Variants in ACOX3 observed in about 807,000 individuals in gnomAD.
ACOX3 encodes the protein peroxisomal acyl-coenzyme A oxidase 3.
A neutral mutation model predicts 81.5 loss-of-function variants in ACOX3; 73 were observed. That is an observed-to-expected ratio of 0.90 (90% confidence interval 0.74 to 1.09). The LOEUF (loss-of-function observed/expected upper bound fraction) is 1.09. ACOX3 is among the 50% of genes least tolerant of loss of function. The pLI is 0.00. For synonymous variants in ACOX3, 387 were observed against 375.1 expected (o/e 1.03, Z -0.37); for missense variants, 947 against 928.0 (o/e 1.02, Z -0.27).
chr4:8,437,542 AAAAC>A lies in ACOX3; in HGVS notation c.-15+3102_-15+3105del, dbSNP rs972784638. 6.6e-6 allele frequency among the ~76,000 whole-genome samples: 1 copy of A among 152,248 alleles called. No individual in the cohort carries two copies. The highest frequency in any genetic ancestry group is 2.4e-5 in the African/African-American group (1 of 41,472). On this transcript the variant is annotated intron_variant, in intron 1 of 17. Coordinates refer to ENST00000356406, the MANE Select transcript of ACOX3 (RefSeq NM_003501.3). The surrounding 1 kb of genome is among the most constrained non-coding windows in gnomAD (Gnocchi z 5.2). ...CAGGAGAACTCAGGAAGGAAAAAGA[AAAAC>A]AAAGACTTAAGGAAAAAGGCCAATC...
chr4:8,373,999 T>G, intron 15 of ACOX3: 1 of 224,052 alleles, frequency 4.5e-6, no homozygotes, highest in Non-Finnish European at 8.8e-6. Context: ...GAAGCAGGGG[T>G]GCATGGCAGG....
intron 1 of ACOX3, among the ~76,000 whole-genome samples, chr4:8,439,469 G>A (rs1247956670): frequency 2.0e-5 from 3 of 152,204 alleles, no homozygotes; most frequent in Admixed American, 6.5e-5. Context: ...ATGGCCTTGA[G>A]AAGCAAAAGA....
At chr4:8,424,550 T>TA (rs1723261711) in intron 1 of ACOX3, among the ~76,000 whole-genome samples, 2 of 152,224 alleles carry the variant, frequency 1.3e-5, no homozygotes, top group African/African-American at 4.8e-5. Flanking sequence ...GTTAAAATGA[T>TA]ACAGGGAAGA....
At position 8,416,279 on chromosome 4, in the gene ACOX3, C is replaced by T. The variant is rs1327051819; in HGVS notation, c.144+99G>A. 3.3e-5 allele frequency: 52 copies of T among 1,595,352 alleles called. No individual in the cohort carries two copies. Among genetic ancestry groups the T allele is most frequent in the Middle Eastern group, 2.2e-4 (1 of 4,558 alleles). ...CGCGCTGCCTGGGATGAGCCTCGCC[C>T]GGCAGAGGAGGAGCTGTGAGAGCCA... On this transcript the variant is annotated intron_variant, in intron 2 of 17. Coordinates refer to ENST00000356406, the MANE Select transcript of ACOX3 (RefSeq NM_003501.3). The surrounding 1 kb of genome is among the most constrained non-coding windows in gnomAD (Gnocchi z 4.2).
intron 14 of ACOX3, among the ~76,000 whole-genome samples, chr4:8,375,380 C>T (rs1277879224): frequency 2.6e-5 from 4 of 152,238 alleles, no homozygotes; most frequent in East Asian, 1.9e-4. Flanking sequence ...CTGGCTCCAC[C>T]GACGCCCTCC....
downstream of ACOX3, among the ~76,000 whole-genome samples, chr4:8,363,568 G>A (rs561661943): frequency 7.8e-4 from 118 of 152,148 alleles, no homozygotes; most frequent in Non-Finnish European, 1.3e-3. Flanking sequence ...CTTATAAAAG[G>A]GAGGGGAGCA....
At chr4:8,408,764 C>T (rs989364124) in intron 6 of ACOX3, among the ~76,000 whole-genome samples, 21 of 152,094 alleles carry the variant, frequency 1.4e-4, no homozygotes, top group African/African-American at 4.8e-4. Flanking sequence ...TGGTTGCAGA[C>T]CCCTAAATAG....
At position 8,367,048 on chromosome 4, in the gene ACOX3, C is replaced by T. The variant is rs201761894; in HGVS notation, c.2016G>A (p.Gln672=). 1 of 1,614,108 alleles carries T rather than the reference C, an allele frequency of 6.2e-7. No individual in the cohort carries two copies. The highest frequency in any genetic ancestry group is 1.3e-5 in the African/African-American group (1 of 75,034). The change falls in exon 18 of 18, where the codon CAG becomes CAA. Residue 672 remains glutamine, a synonymous_variant. Coordinates refer to ENST00000356406, the MANE Select transcript of ACOX3 (RefSeq NM_003501.3). ...ATGCCCGCTCCAACACCTTGCTTTC[C>T]TGCAGGACAGCGCCCCAGAGGTTTT... ...LYKNLWGAVL[Q]ESKVLERASW...
intron 6 of ACOX3, 27 bp downstream of exon 6, chr4:8,410,185 C>T (rs1022955758): frequency 1.9e-6 from 3 of 1,606,394 alleles, no homozygotes; most frequent in Non-Finnish European, 2.6e-6. Context: ...AACACTGCCC[C>T]CACTGAGGGC....
rs188643195 is a variant in ACOX3, at chr4:8,407,141, C to T, written c.688-1098G>A. Among the ~76,000 whole-genome samples the T allele has an allele frequency of 6.6e-6, 1 of 152,348 alleles. No individual in the cohort carries two copies. Among genetic ancestry groups the T allele is most frequent in the African/African-American group, 2.4e-5 (1 of 41,582 alleles). On this transcript the variant is annotated intron_variant, in intron 6 of 17. Coordinates refer to ENST00000356406, the MANE Select transcript of ACOX3 (RefSeq NM_003501.3). The surrounding 1 kb of genome is among the most constrained non-coding windows in gnomAD (Gnocchi z 4.6). ...CTGGGCATAACAGAAGGCTCGTACT[C>T]TTGTCTTCTGGTCACTCCTCACTAT... is the stretch of plus-strand genomic sequence containing the variant.
intron 1 of ACOX3, chr4:8,436,508 A>T (rs1724243026): frequency 6.6e-6 from 1 of 152,228 alleles, no homozygotes; most frequent in African/African-American, 2.4e-5. Flanking sequence ...AAAGGGGAAA[A>T]AAGACCCAGA....
intron 13 of ACOX3, among the ~76,000 whole-genome samples, chr4:8,388,092 C>T (rs181514035): frequency 6.6e-6 from 1 of 152,362 alleles, no homozygotes; most frequent in East Asian, 1.9e-4. Context: ...GAGATGAGCT[C>T]GGCATGGGCT....
rs1718053137 is a variant in ACOX3, at chr4:8,384,446, C to A, written c.1538-2839G>T. Among the ~76,000 whole-genome samples the A allele has an allele frequency of 6.6e-6, 1 of 152,198 alleles. No homozygotes were observed. The highest frequency in any genetic ancestry group is 2.4e-5 in the African/African-American group (1 of 41,432). On this transcript the variant is annotated intron_variant, in intron 13 of 17. Transcript: ENST00000356406. This position sits in a 1 kb window ranked among gnomAD's most constrained non-coding sequence, Gnocchi z 5.3. Reference sequence around the variant, plus strand: ...AACGGGCACTGACGGGCAGTGAATTCTCTTGCTCGGAATGCGGCTGCTGGC... The same window carrying A: ...AACGGGCACTGACGGGCAGTGAATTATCTTGCTCGGAATGCGGCTGCTGGC...
downstream of ACOX3, among the ~76,000 whole-genome samples, chr4:8,362,370 G>A (rs1266767098): frequency 6.6e-6 from 1 of 152,216 alleles, no homozygotes; most frequent in Non-Finnish European, 1.5e-5. Context: ...GCTATGTACA[G>A]CTTTTAGCAA....
intron 7 of ACOX3, among the ~76,000 whole-genome samples, chr4:8,404,016 G>A (rs978646692): frequency 1.6e-4 from 25 of 152,204 alleles, no homozygotes; most frequent in Admixed American, 1.2e-3. Flanking sequence ...GGGATCAGCC[G>A]GGTCTAATAA....
chr4:8,378,064 G>A (rs1717191799), intron 14 of ACOX3, among the ~76,000 whole-genome samples: 2 of 152,186 alleles, frequency 1.3e-5, no homozygotes, highest in African/African-American at 4.8e-5. Flanking sequence ...GCACTTCTCA[G>A]GCTCGATGCA....
At chr4:8,393,476 G>A (rs1039342621) in intron 10 of ACOX3, among the ~76,000 whole-genome samples, 1 of 119,696 alleles carries the variant, frequency 8.4e-6, no homozygotes, top group East Asian at 2.4e-4. Flanking sequence ...GCAACAGAGC[G>A]AGACTCCGTC....
At chr4:8,363,424 T>C (rs954651580), downstream of ACOX3, among the ~76,000 whole-genome samples, 5 of 152,206 alleles carry the variant, frequency 3.3e-5, no homozygotes, top group African/African-American at 1.2e-4. Context: ...ATTCCAAGGC[T>C]TTCTGGCTGA....
In ACOX3 at chr4:8,384,961, G is replaced by A. The variant is rs183966810; in HGVS notation, c.1538-3354C>T. 1.4e-4 allele frequency among the ~76,000 whole-genome samples: 21 copies of A among 152,258 alleles called. No homozygotes were observed. In the East Asian group the frequency reaches 3.9e-3, roughly 28 times the overall value. Reference sequence around the variant, plus strand: ...TGGGAGACATTCCCTGACCCACCAAGGCAGACCTCACCTGCATCTGTTGTT... The same window carrying A: ...TGGGAGACATTCCCTGACCCACCAAAGCAGACCTCACCTGCATCTGTTGTT... On this transcript the variant is annotated intron_variant, in intron 13 of 17. Coordinates refer to ENST00000356406, the MANE Select transcript of ACOX3 (RefSeq NM_003501.3). This position sits in a 1 kb window ranked among gnomAD's most constrained non-coding sequence, Gnocchi z 5.3.
Sources: allele counts gnomAD v4.1 joint callset (sites outside exome capture counted in the v4.1 genomes callset), GRCh38; gene constraint gnomAD v4.1.1; non-coding constraint Gnocchi (gnomAD v3.1); transcripts MANE v1.5; gene names NCBI Gene and HGNC (gene_info 2026-07-23, HGNC 2026-07-21).